NIBAN3: variants seen among roughly 807,000 people sequenced by gnomAD.
NIBAN3 encodes the protein niban apoptosis regulator 3.
Under a neutral mutation model 76.4 loss-of-function variants are expected in NIBAN3, and 66 were observed. That is an observed-to-expected ratio of 0.86 (90% CI 0.71 to 1.06). NIBAN3 has a LOEUF of 1.06. NIBAN3 is among the 50% of genes least tolerant of loss of function. The pLI is 0.00. For missense variants in NIBAN3, 808 were observed against 810.7 expected (o/e 1.00, Z 0.04); for synonymous variants, 360 against 355.2 (o/e 1.01, Z -0.15).
chr19:17,530,145 C>T (rs948312943), intron 1 of NIBAN3, among the ~76,000 whole-genome samples: 3 of 151,928 alleles, frequency 2.0e-5, no homozygotes, highest in African/African-American at 7.3e-5. Context: ...AACCTCGTCT[C>T]TACTAAAAAT....
At position 17,539,867 on chromosome 19, in the gene NIBAN3, G is replaced by A. The variant is rs1021983804; in HGVS notation, c.979+102G>A. 53 of 954,874 alleles carry A rather than the reference G, an allele frequency of 5.6e-5. 1 individual carries two copies. Among genetic ancestry groups the A allele is most frequent in the East Asian group, 1.7e-4 (6 of 34,672 alleles). 59.2% of individuals were successfully genotyped at this position (954,874 alleles called of 1,614,324 possible). A position where few individuals can be genotyped will look rare whatever the true frequency, so the allele number is the denominator to read the frequency against. On this transcript the variant is annotated intron_variant, in intron 8 of 14. Transcript: ENST00000599164. Reference sequence around the variant, plus strand: ...AATGGGCTTGAAGTTATGTAAAATGGGGGCGTGGTCAGAGAGGGGCGGGGC... The same window carrying A: ...AATGGGCTTGAAGTTATGTAAAATGAGGGCGTGGTCAGAGAGGGGCGGGGC...
chr19:17,543,907 G>A (rs1187794795), intron 12 of NIBAN3: 3 of 237,062 alleles, frequency 1.3e-5, no homozygotes, highest in African/African-American at 4.6e-5. Context: ...CAGGAAAATC[G>A]CTTGAACCCG....
chr19:17,534,790 C>CA (rs751685692), intron 4 of NIBAN3, among the ~76,000 whole-genome samples: 31,143 of 75,160 alleles, frequency 0.41, 4,725 homozygotes, highest in African/African-American at 0.52. Flanking sequence ...GACTCCATCT[C>CA]AAAAAAAAAA....
At chr19:17,536,276 C>T (rs751058383) in intron 4 of NIBAN3, among the ~76,000 whole-genome samples, 6 of 152,164 alleles carry the variant, frequency 3.9e-5, no homozygotes, top group African/African-American at 9.6e-5. Flanking sequence ...CTGCAACCTC[C>T]GCCTCCCAGG....
intron 2 of NIBAN3, among the ~76,000 whole-genome samples, 167 bp downstream of exon 2, chr19:17,531,052 G>A (rs897711513): frequency 1.2e-4 from 18 of 152,100 alleles, no homozygotes; most frequent in East Asian, 1.2e-3. Context: ...GGTGGCTCCC[G>A]TCTGTAATCC....
chr19:17,543,787 T>C (rs570559019), intron 12 of NIBAN3, 156 bp downstream of exon 12: 1 of 587,666 alleles, frequency 1.7e-6, no homozygotes, highest in Admixed American at 3.0e-5. Context: ...GGTCAGGAGT[T>C]CGAGACTAGC....
chr19:17,539,110 G>T, intron 5 of NIBAN3, 40 bp from the exon 6 acceptor site: 1 of 1,518,334 alleles, frequency 6.6e-7, no homozygotes, highest in Non-Finnish European at 8.9e-7. Flanking sequence ...GAGCCAGGCA[G>T]GGGAGCTACC....
Position 17,531,621 on chromosome 19 carries a change from C to A in NIBAN3, c.187-642C>A, listed in dbSNP as rs150069788. Among the ~76,000 whole-genome samples, 1,390 of 152,278 alleles carry A rather than the reference C, an allele frequency of 9.1e-3. 18 individuals are homozygous for A. The highest frequency in any genetic ancestry group is 0.032 in the African/African-American group (1,341 of 41,552). On this transcript the variant is annotated intron_variant, in intron 2 of 14. Transcript: ENST00000599164. ...CAATCTTAGCTCACTGCCACCTCCA[C>A]CTCCCAGGTTCAAGCGATTCTCGTG...
chr19:17,544,150 C>T (rs1401803838), intron 12 of NIBAN3: 1 of 152,668 alleles, frequency 6.6e-6, no homozygotes, highest in Non-Finnish European at 1.5e-5. Flanking sequence ...AGAAGTTAGC[C>T]AGGCGTGACA....
Position 17,539,615 on chromosome 19 carries a change from G to T in NIBAN3, c.829G>T (p.Val277Phe), listed in dbSNP as rs865895788. The T allele has an allele frequency of 6.4e-7, 1 of 1,555,852 alleles. No individual in the cohort carries two copies. The highest frequency in any genetic ancestry group is 8.7e-7 in the Non-Finnish European group (1 of 1,146,166). Residue 277 changes from valine (V) to phenylalanine (F), a missense_variant, in exon 8 of 15, where the codon GTT becomes TTT. Val to Phe is a conservative substitution (Grantham distance 50). Coordinates refer to ENST00000599164, the MANE Select transcript of NIBAN3 (RefSeq NM_001321827.2). ...AWAWTELLDAVHAAVLAGASA... is the reference protein window; with the variant it reads ...AWAWTELLDAFHAAVLAGASA... ...CCGGTCTGGGCAGCTTCTAGACGCC[G>T]TTCACGCAGCTGTCCTGGCCGGGGC...
In NIBAN3 at chr19:17,551,811, A is replaced by G; in HGVS notation, c.1776A>G (p.Glu592=). The G allele has an allele frequency of 1.3e-6, 1 of 780,086 alleles. No individual in the cohort carries two copies. The highest frequency in any genetic ancestry group is 2.4e-6 in the Non-Finnish European group (1 of 417,354). 48.3% of individuals were successfully genotyped at this position (780,086 alleles called of 1,614,324 possible). A position where few individuals can be genotyped will look rare whatever the true frequency, so the allele number is the denominator to read the frequency against. Residue 592 remains glutamate, a synonymous_variant, in exon 15 of 15, where the codon GAA becomes GAG. Coordinates refer to ENST00000599164, the MANE Select transcript of NIBAN3 (RefSeq NM_001321827.2). ...GADEETEAER[E]GGACPRQPDS... ...ATGAGGAAACTGAGGCTGAGCGGGA[A>G]GGAGGGGCTTGTCCCAGGCAGCCAG...
At chr19:17,527,862 T>A in intron 1 of NIBAN3, among the ~76,000 whole-genome samples, 1 of 151,878 alleles carries the variant, frequency 6.6e-6, no homozygotes, top group East Asian at 1.9e-4. Flanking sequence ...TGGCTAATTT[T>A]TTATTTGTTT....
In NIBAN3 at chr19:17,543,648, T is replaced by C. The variant is rs1228909951; in HGVS notation, c.1554+17T>C. 1 of 1,598,946 alleles carries C rather than the reference T, an allele frequency of 6.3e-7. No homozygotes were observed. Among genetic ancestry groups the C allele is most frequent in the African/African-American group, 1.3e-5 (1 of 74,690 alleles). ...TGCAAAAAGGTGAGTTAATGGGAAG[T>C]GTGCAAGAGGGTCTGACAGCATCAC... On this transcript the variant is annotated intron_variant, in intron 12 of 14. Transcript: ENST00000599164.
At position 17,537,524 on chromosome 19, in the gene NIBAN3, C is replaced by A; in HGVS notation, c.576C>A (p.Gly192=). 1.2e-6 allele frequency: 2 copies of A among 1,601,146 alleles called. No homozygotes were observed. The highest frequency in any genetic ancestry group is 8.5e-7 in the Non-Finnish European group (1 of 1,176,298). ...CCTGGAGGCTGGCCCTGCAGGGTGG[C>A]ATCCGGCTTCAGGGCATAGGTGGGT... ...QHAWRLALQG[G]IRLQGIVLQR... Residue 192 remains glycine, a synonymous_variant, in exon 5 of 15, where the codon GGC becomes GGA. Transcript: ENST00000599164.
intron 4 of NIBAN3, 86 bp downstream of exon 4, chr19:17,533,787 C>A (rs569934561): frequency 6.9e-6 from 7 of 1,010,532 alleles, no homozygotes; most frequent in African/African-American, 1.6e-5. Context: ...GCGGTGGGGG[C>A]GTCCCGTGTA....
At chr19:17,537,247 G>A in intron 4 of NIBAN3, 129 bp from the exon 5 acceptor site, 1 of 954,914 alleles carries the variant, frequency 1.0e-6, no homozygotes. Flanking sequence ...TAAGGATGGT[G>A]GCAAGTATCG....
chr19:17,524,150 C>G (rs1299191250), upstream of NIBAN3, among the ~76,000 whole-genome samples: 1 of 152,038 alleles, frequency 6.6e-6, no homozygotes, highest in Non-Finnish European at 1.5e-5. Flanking sequence ...CTCAACCTCC[C>G]AAAGTGCTGG....
upstream of NIBAN3, chr19:17,523,556 G>A (rs907125837): frequency 8.9e-6 from 9 of 1,006,760 alleles, no homozygotes; most frequent in African/African-American, 3.3e-5. Context: ...ACGGGGCTGC[G>A]AAGTGAAGGG....
In NIBAN3 at chr19:17,539,172, T is replaced by G. The variant is rs372319496; in HGVS notation, c.618T>G (p.Pro206=). ...QGIVLQRSQA[P]AARAFLDAVR... is the part of the protein sequence containing the mutation. Reference sequence around the variant, plus strand: ...CAGTCCTGCAGCGAAGCCAGGCCCCTGCTGCCCGGGCCTTCCTGGACGCCG... The same window carrying G: ...CAGTCCTGCAGCGAAGCCAGGCCCCGGCTGCCCGGGCCTTCCTGGACGCCG... Residue 206 remains proline (P), a synonymous_variant, in exon 6 of 15, where the codon CCT becomes CCG. Transcript: ENST00000599164. 35 of 1,599,110 alleles carry G rather than the reference T, an allele frequency of 2.2e-5. No individual in the cohort carries two copies. In the African/African-American group the frequency reaches 4.2e-4, roughly 19 times the overall value.
Sources: gnomAD v4.1 joint callset for allele counts (sites outside exome capture counted in the v4.1 genomes callset) on GRCh38, gnomAD v4.1.1 for gene constraint, MANE v1.5 for transcripts, NCBI Gene and HGNC (gene_info 2026-07-23, HGNC 2026-07-21) for gene names.